The following CGNL1 variants were observed in gnomAD, a reference collection of about 807,000 sequenced individuals.
CGNL1 encodes the protein cingulin like 1, also known as cingulin-like protein 1.
CGNL1 carries 132 observed loss-of-function variants against 141.2 expected under a neutral mutation model. The ratio of observed to expected loss-of-function variants is 0.93; its 90% CI spans 0.81 to 1.08. The LOEUF (loss-of-function observed/expected upper bound fraction) is 1.08, where lower values mean the gene tolerates loss of function less well. Among genes scored for constraint, CGNL1 ranks in the 50% least tolerant of loss-of-function variants. The probability of loss-of-function intolerance (pLI) is 0.00; values close to 1 mark genes in which losing one functional copy is unlikely to be tolerated. For synonymous variants in CGNL1, 690 were observed against 622.1 expected (o/e 1.11, Z -1.63); for missense variants, 1,870 against 1,588.6 (o/e 1.18, Z -3.01).
rs571354193 is a variant in CGNL1, at chr15:57,516,579, A to G, written c.2404-201A>G. ...AGTCTGCAAATGGAAGGGCGTGGCT[A>G]TGTTCCAATAACACTGCGCTTTTCA... On this transcript the variant is annotated intron_variant, in intron 8 of 18. Transcript: ENST00000281282. 2.0e-5 allele frequency among the ~76,000 whole-genome samples: 3 copies of G among 152,318 alleles called. No homozygotes were observed. The South Asian group carries it at 6.2e-4, about 32-fold the overall frequency.
At chr15:57,535,720 C>A (rs958237028) in intron 14 of CGNL1, among the ~76,000 whole-genome samples, 1 of 152,078 alleles carries the variant, frequency 6.6e-6, no homozygotes, top group African/African-American at 2.4e-5. Context: ...GGGCAGCCAT[C>A]GAAGGCGATT....
intron 8 of CGNL1, among the ~76,000 whole-genome samples, chr15:57,466,853 C>T (rs1367551774): frequency 6.6e-6 from 1 of 152,120 alleles, no homozygotes; most frequent in Non-Finnish European, 1.5e-5. Flanking sequence ...AATTTTGCAT[C>T]TAAGAGTTGC....
At chr15:57,514,001 T>C (rs1246179246) in intron 8 of CGNL1, among the ~76,000 whole-genome samples, 2 of 152,190 alleles carry the variant, frequency 1.3e-5, no homozygotes, top group Non-Finnish European at 2.9e-5. Flanking sequence ...ATACTTGTTA[T>C]TATCTTTCTT....
chr15:57,399,159 G>C (rs1245366930), intron 1 of CGNL1, among the ~76,000 whole-genome samples: 2 of 152,156 alleles, frequency 1.3e-5, no homozygotes, highest in African/African-American at 4.8e-5. Context: ...AGAGTAATTA[G>C]TATATTCATC....
Position 57,453,674 on chromosome 15 carries a change from C to G in CGNL1, c.2055-9C>G. ...AAGAGCCTGTCTAATGGGCTTCCTT[C>G]CCTGCCAGGCTATTCCAGGTGAAGA... On this transcript the variant is annotated splice_polypyrimidine_tract_variant and intron_variant, in intron 6 of 18. Coordinates refer to ENST00000281282, the MANE Select transcript of CGNL1 (RefSeq NM_032866.5). 6.2e-7 allele frequency: 1 copy of G among 1,613,484 alleles called. No individual in the cohort carries two copies. Among genetic ancestry groups the G allele is most frequent in the Middle Eastern group, 1.7e-4 (1 of 6,058 alleles).
chr15:57,386,589 C>G (rs1375532318), intron 1 of CGNL1, among the ~76,000 whole-genome samples: 1 of 152,164 alleles, frequency 6.6e-6, no homozygotes, highest in African/African-American at 2.4e-5. Flanking sequence ...CACTCACAGG[C>G]TGCTCTGTGT....
chr15:57,426,368 C>T (rs1188564004), intron 1 of CGNL1, among the ~76,000 whole-genome samples: 2 of 151,928 alleles, frequency 1.3e-5, no homozygotes, highest in African/African-American at 4.8e-5. Context: ...TGGTCTTGAA[C>T]TCCTGACCTC....
At chr15:57,513,715 T>C (rs1180342139) in intron 8 of CGNL1, among the ~76,000 whole-genome samples, 1 of 152,144 alleles carries the variant, frequency 6.6e-6, no homozygotes, top group Non-Finnish European at 1.5e-5. Flanking sequence ...AAAGATGCGG[T>C]TTCACCATGT....
chr15:57,469,728 C>T (rs1274126820), intron 8 of CGNL1, among the ~76,000 whole-genome samples: 1 of 152,144 alleles, frequency 6.6e-6, no homozygotes, highest in Non-Finnish European at 1.5e-5. Context: ...CACCACCACC[C>T]TCCAATTTTG....
intron 8 of CGNL1, among the ~76,000 whole-genome samples, chr15:57,485,607 T>G (rs1320313584): frequency 1.3e-5 from 2 of 152,252 alleles, no homozygotes; most frequent in Admixed American, 1.3e-4. Context: ...CCACAGAGGC[T>G]TTTTCCCATT....
intron 3 of CGNL1, among the ~76,000 whole-genome samples, chr15:57,441,155 A>G (rs1444116267): frequency 6.6e-6 from 1 of 152,022 alleles, no homozygotes; most frequent in Non-Finnish European, 1.5e-5. Context: ...AAAATACTGT[A>G]TATTTTTGTA....
intron 1 of CGNL1, among the ~76,000 whole-genome samples, chr15:57,418,819 A>G (rs1228971188): frequency 6.6e-6 from 1 of 151,836 alleles, no homozygotes; most frequent in Non-Finnish European, 1.5e-5. Flanking sequence ...GAATGATGTG[A>G]GTTTCTCTGC....
chr15:57,390,105 C>A (rs938021288), intron 1 of CGNL1, among the ~76,000 whole-genome samples: 1 of 152,194 alleles, frequency 6.6e-6, no homozygotes, highest in African/African-American at 2.4e-5. Flanking sequence ...TGTGAGCCAC[C>A]GCACCTGGCC....
chr15:57,433,308 A>G (rs1384411231), intron 1 of CGNL1, among the ~76,000 whole-genome samples: 1 of 152,190 alleles, frequency 6.6e-6, no homozygotes, highest in East Asian at 1.9e-4. Flanking sequence ...GAGTTGTTTT[A>G]TGATATTAGT....
chr15:57,524,678 T>C lies in CGNL1; in HGVS notation c.2966T>C (p.Met989Thr). ...AAAAACCGCAGGGAGCTCGCAGAAA[T>C]GCAAAGACAGTTGAAGGAGAAAACG... ...KEKNRRELAE[M>T]QRQLKEKTLE... Residue 989 changes from methionine to threonine, a missense_variant, in exon 12 of 19, where the codon ATG becomes ACG. Coordinates refer to ENST00000281282, the MANE Select transcript of CGNL1 (RefSeq NM_032866.5). The C allele has an allele frequency of 6.2e-7, 1 of 1,614,096 alleles. No homozygotes were observed. The highest frequency in any genetic ancestry group is 8.5e-7 in the Non-Finnish European group (1 of 1,180,024).
At chr15:57,456,276 G>A (rs1348362534) in intron 7 of CGNL1, among the ~76,000 whole-genome samples, 2 of 152,152 alleles carry the variant, frequency 1.3e-5, no homozygotes, top group African/African-American at 2.4e-5. Context: ...AAACACTTAT[G>A]CTTTTGAATG....
intron 16 of CGNL1, among the ~76,000 whole-genome samples, chr15:57,544,954 G>C (rs575435922): frequency 6.6e-6 from 1 of 152,186 alleles, no homozygotes; most frequent in African/African-American, 2.4e-5. Flanking sequence ...AGGCCAGAAG[G>C]CTGACTCTGC....
In CGNL1 at chr15:57,505,344, G is replaced by A. The variant is rs374863595; in HGVS notation, c.2404-11436G>A. 6.7e-4 allele frequency among the ~76,000 whole-genome samples: 102 copies of A among 152,296 alleles called. 1 individual carries two copies. Among genetic ancestry groups the A allele is most frequent in the Middle Eastern group, 6.8e-3 (2 of 294 alleles). ...ACGCCACCCTGTTTTTAAGAAAGCT[G>A]AGCTGTGATTTAGAGAAGTTGTTAC... On this transcript the variant is annotated intron_variant, in intron 8 of 18. Transcript: ENST00000281282.
Position 57,518,513 on chromosome 15 carries a change from T to C in CGNL1, c.2715+16T>C. 1 of 1,548,936 alleles carries C rather than the reference T, an allele frequency of 6.5e-7. No individual in the cohort carries two copies. Among genetic ancestry groups the C allele is most frequent in the Non-Finnish European group, 8.9e-7 (1 of 1,127,032 alleles). On this transcript the variant is annotated intron_variant, in intron 10 of 18. Transcript: ENST00000281282. ...GGCTGCTCAGGTAAACACCAAGGGC[T>C]GTTGTCATTACTCCCTCAAGAAGAA...
Sources: allele counts gnomAD v4.1 joint callset (sites outside exome capture counted in the v4.1 genomes callset), GRCh38; gene constraint gnomAD v4.1.1; transcripts MANE v1.5; gene names NCBI Gene and HGNC (gene_info 2026-07-23, HGNC 2026-07-21).